Variants in NDUFB5 observed in about 807,000 individuals in gnomAD.
NDUFB5 encodes the protein NADH dehydrogenase [ubiquinone] 1 beta subcomplex subunit 5, mitochondrial.
NDUFB5 carries 19 observed loss-of-function variants against 19.4 expected under a neutral mutation model. That is an observed-to-expected ratio of 0.98 (90% confidence interval 0.68 to 1.43). NDUFB5 has a LOEUF of 1.43. NDUFB5 is among the 40% of genes most tolerant of loss of function. NDUFB5 has a pLI of 0.00. For synonymous variants in NDUFB5, 80 were observed against 82.6 expected (o/e 0.97, Z 0.17); for missense variants, 233 against 236.5 (o/e 0.99, Z 0.10).
chr3:179,605,060 T>G, intron 1 of NDUFB5, 121 bp downstream of exon 1: 1 of 1,351,362 alleles, frequency 7.4e-7, no homozygotes, highest in South Asian at 1.7e-5. Context: ...GGCTTGGGGC[T>G]TGACAGGAGA....
chr3:179,610,178 A>G (rs983256806), intron 1 of NDUFB5, among the ~76,000 whole-genome samples: 1 of 152,134 alleles, frequency 6.6e-6, no homozygotes, highest in Non-Finnish European at 1.5e-5. Context: ...CTGTAGCCTC[A>G]ACCTCCTAGA....
intron 5 of NDUFB5, among the ~76,000 whole-genome samples, chr3:179,619,010 C>T (rs190189705): frequency 4.0e-4 from 61 of 151,790 alleles, no homozygotes; most frequent in African/African-American, 1.5e-3. Context: ...TCTGTTGCCC[C>T]AGCTGGGAAG....
chr3:179,621,500 T>C (rs1479997584), intron 5 of NDUFB5, among the ~76,000 whole-genome samples: 1 of 150,246 alleles, frequency 6.7e-6, no homozygotes, highest in Admixed American at 6.6e-5. Flanking sequence ...CTTTTTCTTT[T>C]TTTTTTTTTT....
At chr3:179,621,468 T>C (rs1452121076) in intron 5 of NDUFB5, among the ~76,000 whole-genome samples, 2 of 151,710 alleles carry the variant, frequency 1.3e-5, no homozygotes, top group Admixed American at 1.3e-4. Flanking sequence ...AACAAATCTG[T>C]AATAGTAACT....
intron 4 of NDUFB5, among the ~76,000 whole-genome samples, chr3:179,617,743 A>G (rs1363924869): frequency 6.6e-6 from 1 of 152,138 alleles, no homozygotes; most frequent in Non-Finnish European, 1.5e-5. Context: ...AAAATGTACT[A>G]TTATTATTCC....
At chr3:179,619,154 GAC>G (rs1378120170) in intron 5 of NDUFB5, among the ~76,000 whole-genome samples, 1 of 148,298 alleles carries the variant, frequency 6.7e-6, no homozygotes, top group Non-Finnish European at 1.5e-5. Flanking sequence ...TAAAAAGCTA[GAC>G]ACATATATTT....
chr3:179,609,295 A>G (rs1337704289), intron 1 of NDUFB5, among the ~76,000 whole-genome samples: 3 of 152,284 alleles, frequency 2.0e-5, no homozygotes, highest in East Asian at 3.9e-4. Context: ...GTGGGTGGTG[A>G]AAGAATTTAC....
intron 1 of NDUFB5, among the ~76,000 whole-genome samples, chr3:179,610,099 G>T (rs1033366565): frequency 6.6e-6 from 1 of 151,908 alleles, no homozygotes; most frequent in East Asian, 1.9e-4. Flanking sequence ...TTATTTATTT[G>T]TTTATTTATT....
intron 1 of NDUFB5, among the ~76,000 whole-genome samples, chr3:179,611,210 G>A (rs891056233): frequency 1.6e-4 from 24 of 152,184 alleles, no homozygotes; most frequent in African/African-American, 5.8e-4. Flanking sequence ...GCTTATAGGG[G>A]ATGTTGATTA....
chr3:179,621,199 TC>T (rs1043270118), intron 5 of NDUFB5, among the ~76,000 whole-genome samples: 26 of 151,960 alleles, frequency 1.7e-4, no homozygotes, highest in Non-Finnish European at 3.1e-4. Context: ...CACCCAAGCC[TC>T]CCTAGTAGCC....
At chr3:179,606,440 G>A (rs1719103991) in intron 1 of NDUFB5, among the ~76,000 whole-genome samples, 1 of 152,090 alleles carries the variant, frequency 6.6e-6, no homozygotes, top group Non-Finnish European at 1.5e-5. Context: ...CTGCGTTCAG[G>A]CGATTCTCCT....
intron 5 of NDUFB5, among the ~76,000 whole-genome samples, chr3:179,620,820 G>T (rs529141469): frequency 3.9e-4 from 59 of 152,204 alleles, no homozygotes; most frequent in African/African-American, 1.3e-3. Context: ...TTCTGGAAGT[G>T]GCATTAATAA....
At position 179,624,785 on chromosome 3, in the gene NDUFB5, ATTTTC is replaced by A. The variant is rs1353576054; in HGVS notation, c.*755_*759del. 1 of 132,158 alleles carries A rather than the reference ATTTTC, an allele frequency of 7.6e-6. No homozygotes were observed. Among genetic ancestry groups the A allele is most frequent in the African/African-American group, 2.9e-5 (1 of 34,462 alleles). The allele number at this position is 132,158 out of a possible 1,614,324, so 8.2% of individuals were successfully genotyped here. A position where few individuals can be genotyped will look rare whatever the true frequency, so the allele number is the denominator to read the frequency against. The stretch of plus-strand genomic sequence containing the variant: ...TTAAATAACTGCATTTTTTAACATT[ATTTTC>A]TTTTCTTTTTTTTTTTTTTTTTTTT... On this transcript the variant is annotated 3_prime_UTR_variant, in exon 6 of 6. Transcript: ENST00000259037.
intron 5 of NDUFB5, among the ~76,000 whole-genome samples, chr3:179,621,280 G>A (rs1036868179): frequency 1.9e-4 from 29 of 152,078 alleles, no homozygotes; most frequent in African/African-American, 7.0e-4. Flanking sequence ...GTTTCACCGT[G>A]TTGCCTAGGC....
At position 179,626,415 on chromosome 3, in the gene NDUFB5, T is replaced by G. The variant is rs1435434922; in HGVS notation, c.*2375T>G. ...ATGCTCAGCTAATTTTTTTGTATTT[T>G]TTGTAGCGACTGGGTTTCACCATGT... On this transcript the variant is annotated 3_prime_UTR_variant, in exon 6 of 6. Coordinates refer to ENST00000259037, the MANE Select transcript of NDUFB5 (RefSeq NM_002492.4). 1 of 152,330 alleles carries G rather than the reference T, an allele frequency of 6.6e-6. No homozygotes were observed. The highest frequency in any genetic ancestry group is 6.6e-5 in the Admixed American group (1 of 15,266). The allele number at this position is 152,330 out of a possible 1,614,324, so 9.4% of individuals were successfully genotyped here. A position where few individuals can be genotyped will look rare whatever the true frequency, so the allele number is the denominator to read the frequency against.
At chr3:179,606,564 T>C (rs1195982560) in intron 1 of NDUFB5, among the ~76,000 whole-genome samples, 1 of 152,310 alleles carries the variant, frequency 6.6e-6, no homozygotes, top group East Asian at 1.9e-4. Context: ...GGTCTCGAAC[T>C]CCTGACCTCG....
At chr3:179,610,459 A>G (rs1312537432) in intron 1 of NDUFB5, among the ~76,000 whole-genome samples, 5 of 152,148 alleles carry the variant, frequency 3.3e-5, no homozygotes, top group Non-Finnish European at 5.9e-5. Context: ...TCTGAAATCA[A>G]TCCCTTATCA....
Position 179,625,738 on chromosome 3 carries a change from T to A in NDUFB5, c.*1698T>A, listed in dbSNP as rs189325321. On this transcript the variant is annotated 3_prime_UTR_variant, in exon 6 of 6. Coordinates refer to ENST00000259037, the MANE Select transcript of NDUFB5 (RefSeq NM_002492.4). ...CTTCCCAGCCTTGTAACCACCTTTC[T>A]ACTCTGCCTCCATGAGACCCATTTT... The A allele has an allele frequency of 1.4e-3, 211 of 152,308 alleles. No individual in the cohort carries two copies. The highest frequency in any genetic ancestry group is 4.9e-3 in the African/African-American group (203 of 41,570). The allele number at this position is 152,308 out of a possible 1,614,324, so 9.4% of individuals were successfully genotyped here.
rs1719651019 is a variant in NDUFB5, at chr3:179,625,620, C to T, written c.*1580C>T. The T allele has an allele frequency of 6.6e-6, 1 of 151,886 alleles. No homozygotes were observed. Among genetic ancestry groups the T allele is most frequent in the African/African-American group, 2.4e-5 (1 of 41,254 alleles). 9.4% of individuals were successfully genotyped at this position (151,886 alleles called of 1,614,324 possible). On this transcript the variant is annotated 3_prime_UTR_variant, in exon 6 of 6. Coordinates refer to ENST00000259037, the MANE Select transcript of NDUFB5 (RefSeq NM_002492.4). ...GTTATTGTTAACTATAATTTACCTA[C>T]TGTACTATCAAATACTAGAACTTAT...
Sources: gnomAD v4.1 joint callset for allele counts (sites outside exome capture counted in the v4.1 genomes callset) on GRCh38, gnomAD v4.1.1 for gene constraint, MANE v1.5 for transcripts, NCBI Gene and HGNC (gene_info 2026-07-23, HGNC 2026-07-21) for gene names.